The following REDIC1 variants were observed in gnomAD, a reference collection of about 807,000 sequenced individuals.
The protein encoded by REDIC1 is regulator of DNA class I crossover intermediates 1, also known as HEI10 Interacting Protein 1.
chr12:39,770,444 T>A, the REDIC1 span, among the ~76,000 whole-genome samples: 1 of 152,138 alleles, frequency 6.6e-6, no homozygotes, highest in Non-Finnish European at 1.5e-5. Context: ...ATTCAAAAGC[T>A]TATATAATGA....
chr12:39,736,551 A>G, the REDIC1 span, among the ~76,000 whole-genome samples: 1 of 152,232 alleles, frequency 6.6e-6, no homozygotes, highest in African/African-American at 2.4e-5. Context: ...CACTCCTTCC[A>G]CAGAAGGTGG....
the REDIC1 span, chr12:39,864,823 G>C: frequency 6.2e-7 from 1 of 1,613,960 alleles, no homozygotes; most frequent in South Asian, 1.1e-5. Context: ...GTGATGCGTG[G>C]GGAAACTTGG....
the REDIC1 span, among the ~76,000 whole-genome samples, chr12:39,723,146 C>T: frequency 6.6e-6 from 1 of 152,170 alleles, no homozygotes; most frequent in Non-Finnish European, 1.5e-5. Flanking sequence ...GAGAGGATGA[C>T]TGAAAGCTCC....
At chr12:39,667,596 A>T in the REDIC1 span, among the ~76,000 whole-genome samples, 1 of 152,224 alleles carries the variant, frequency 6.6e-6, no homozygotes, top group South Asian at 2.1e-4. Context: ...CTTGGTGCAG[A>T]GCTGAGTTCA....
chr12:39,648,033 CTT>C, the REDIC1 span: 2 of 1,159,682 alleles, frequency 1.7e-6, no homozygotes, highest in Admixed American at 6.0e-5. Flanking sequence ...TCATGAAACT[CTT>C]TTTTTCTTTT....
the REDIC1 span, among the ~76,000 whole-genome samples, chr12:39,711,683 G>A: frequency 3.6e-4 from 42 of 116,872 alleles, 3 homozygotes; most frequent in African/African-American, 9.5e-4. Flanking sequence ...ATGTGTGTAT[G>A]CACATGTATG....
chr12:39,733,468 T>C, the REDIC1 span, among the ~76,000 whole-genome samples: 1 of 152,160 alleles, frequency 6.6e-6, no homozygotes, highest in Non-Finnish European at 1.5e-5. Flanking sequence ...GTCAAATTCT[T>C]TGTCTTTTTT....
the REDIC1 span, among the ~76,000 whole-genome samples, chr12:39,752,728 G>A: frequency 1.3e-5 from 2 of 152,136 alleles, no homozygotes; most frequent in African/African-American, 2.4e-5. Context: ...AGACAACATC[G>A]TGTGCAAGTT....
At chr12:39,727,029 A>T in the REDIC1 span, among the ~76,000 whole-genome samples, 5 of 152,008 alleles carry the variant, frequency 3.3e-5, no homozygotes, top group Non-Finnish European at 7.4e-5. Flanking sequence ...TTCTTCTTGT[A>T]AATTTGTGTA....
At chr12:39,701,571 G>C in the REDIC1 span, among the ~76,000 whole-genome samples, 6 of 152,016 alleles carry the variant, frequency 3.9e-5, no homozygotes, top group Non-Finnish European at 8.8e-5. Flanking sequence ...ATTGAACTCA[G>C]CTCTGCACCA....
At chr12:39,681,118 A>C in the REDIC1 span, among the ~76,000 whole-genome samples, 4 of 152,208 alleles carry the variant, frequency 2.6e-5, no homozygotes, top group East Asian at 7.7e-4. Flanking sequence ...CTAAAAACAC[A>C]AAAGTCAGCC....
the REDIC1 span, chr12:39,650,275 A>C: frequency 6.2e-7 from 1 of 1,611,264 alleles, no homozygotes; most frequent in Non-Finnish European, 8.5e-7. The surrounding 1 kb of genome is among the most constrained non-coding windows in gnomAD (Gnocchi z 4.3). Flanking sequence ...CTTGCTTTCC[A>C]AATTAAATAA....
the REDIC1 span, among the ~76,000 whole-genome samples, chr12:39,806,683 G>T: frequency 1.3e-5 from 2 of 152,146 alleles, no homozygotes; most frequent in African/African-American, 4.8e-5. Flanking sequence ...ACAGTATACA[G>T]AAAGTTAATA....
At chr12:39,667,746 G>C in the REDIC1 span, among the ~76,000 whole-genome samples, 5 of 152,144 alleles carry the variant, frequency 3.3e-5, no homozygotes, top group African/African-American at 4.8e-5. Context: ...GAATCTGGGC[G>C]CTCCTGTATT....
At chr12:39,632,147 A>G in the REDIC1 span, among the ~76,000 whole-genome samples, 1 of 151,644 alleles carries the variant, frequency 6.6e-6, no homozygotes, top group Non-Finnish European at 1.5e-5. Context: ...CCCAGGCTGG[A>G]GTGCACTGGT....
chr12:39,731,791 G>A, the REDIC1 span, among the ~76,000 whole-genome samples: 2 of 151,884 alleles, frequency 1.3e-5, no homozygotes. Context: ...AGGGAGATGG[G>A]AGTTTTATCT....
chr12:39,818,758 G>A, the REDIC1 span, among the ~76,000 whole-genome samples: 2 of 152,110 alleles, frequency 1.3e-5, no homozygotes, highest in Non-Finnish European at 2.9e-5. Context: ...AAATGTAGAT[G>A]TTTCATATAC....
the REDIC1 span, among the ~76,000 whole-genome samples, chr12:39,780,696 C>A: frequency 6.6e-6 from 1 of 152,262 alleles, no homozygotes; most frequent in East Asian, 1.9e-4. Context: ...GTGATGTCAA[C>A]ACTACAAATG....
the REDIC1 span, chr12:39,646,510 A>C: frequency 6.7e-7 from 1 of 1,486,486 alleles, no homozygotes; most frequent in South Asian, 1.3e-5. Flanking sequence ...ACTGGTTATT[A>C]ACAACACTTT....
Sources: gnomAD v4.1 joint callset for allele counts (sites outside exome capture counted in the v4.1 genomes callset) on GRCh38, gnomAD v4.1.1 for gene constraint, Gnocchi (gnomAD v3.1) non-coding constraint, MANE v1.5 for transcripts, NCBI Gene and HGNC (gene_info 2026-07-23, HGNC 2026-07-21) for gene names.